Variants in SLIT3 observed in about 807,000 individuals in gnomAD.
SLIT3 encodes the protein slit guidance ligand 3, also known as slit homolog 3 protein.
A neutral mutation model predicts 184.0 loss-of-function variants in SLIT3; 68 were observed. That is an observed-to-expected ratio of 0.37 (90% CI 0.30 to 0.45). The LOEUF (loss-of-function observed/expected upper bound fraction) is 0.45. Among genes scored for constraint, SLIT3 ranks in the 20% least tolerant of loss-of-function variants. SLIT3 has a pLI of 1.00. For missense variants in SLIT3, 1,707 were observed against 2,026.0 expected (o/e 0.84, Z 3.02); for synonymous variants, 831 against 828.6 (o/e 1.00, Z -0.05).
chr5:169,200,482 A>T (rs1763875736), intron 3 of SLIT3, among the ~76,000 whole-genome samples: 1 of 152,146 alleles, frequency 6.6e-6, no homozygotes, highest in Admixed American at 6.5e-5. Flanking sequence ...AGTCACCCCC[A>T]ATGGAGAGAG....
chr5:168,957,260 C>A (rs892748845), intron 4 of SLIT3, among the ~76,000 whole-genome samples: 26 of 149,802 alleles, frequency 1.7e-4, no homozygotes, highest in Non-Finnish European at 3.5e-4. Flanking sequence ...AGGTGGGGGT[C>A]TGGCTATGTT....
chr5:168,938,770 AC>A (rs1217621760), intron 4 of SLIT3, among the ~76,000 whole-genome samples: 1 of 151,972 alleles, frequency 6.6e-6, no homozygotes, highest in African/African-American at 2.4e-5. Context: ...AGGTGGGACT[AC>A]AGGTGTGCAC....
intron 8 of SLIT3, among the ~76,000 whole-genome samples, chr5:168,812,543 A>C (rs1389921838): frequency 6.6e-6 from 1 of 152,248 alleles, no homozygotes; most frequent in Non-Finnish European, 1.5e-5. Flanking sequence ...ACAACAAAAA[A>C]ACCTCACTTG....
chr5:169,000,771 C>G (rs2113419321), intron 4 of SLIT3, among the ~76,000 whole-genome samples: 1 of 152,288 alleles, frequency 6.6e-6, no homozygotes, highest in African/African-American at 2.4e-5. Context: ...TCTGAGCATA[C>G]AGTAAGCATC....
intron 16 of SLIT3, among the ~76,000 whole-genome samples, chr5:168,755,912 G>A (rs1486734392): frequency 6.6e-6 from 1 of 152,194 alleles, no homozygotes; most frequent in Non-Finnish European, 1.5e-5. Context: ...GGGCTTGTGT[G>A]GACCATCAAA....
intron 4 of SLIT3, chr5:169,024,487 G>T (rs751864218): frequency 2.6e-5 from 4 of 152,186 alleles, no homozygotes; most frequent in Non-Finnish European, 5.9e-5. Flanking sequence ...CATTTTTCCT[G>T]CCGGAAGTTG....
intron 4 of SLIT3, among the ~76,000 whole-genome samples, chr5:168,963,600 G>T (rs1249114383): frequency 6.6e-6 from 1 of 152,208 alleles, no homozygotes; most frequent in African/African-American, 2.4e-5. Context: ...AAAGATCAGT[G>T]ACCCCTGGAT....
At chr5:169,072,534 A>C (rs1191634873) in intron 4 of SLIT3, among the ~76,000 whole-genome samples, 1 of 152,228 alleles carries the variant, frequency 6.6e-6, no homozygotes, top group Admixed American at 6.5e-5. Flanking sequence ...GATGTGACTT[A>C]TTCAAGGCTG....
intron 9 of SLIT3, among the ~76,000 whole-genome samples, chr5:168,798,635 A>G (rs1426292723): frequency 6.6e-6 from 1 of 152,136 alleles, no homozygotes; most frequent in East Asian, 1.9e-4. Context: ...GATGAGGGTC[A>G]ACCCTGCCCC....
chr5:169,258,466 C>CT (rs2113608736), intron 1 of SLIT3, among the ~76,000 whole-genome samples: 1 of 152,314 alleles, frequency 6.6e-6, no homozygotes, highest in South Asian at 2.1e-4. Flanking sequence ...GGCTGAGCCC[C>CT]TCTGCAAGCT....
chr5:168,888,062 AT>A (rs1760290001), intron 4 of SLIT3, among the ~76,000 whole-genome samples: 1 of 152,190 alleles, frequency 6.6e-6, no homozygotes, highest in Admixed American at 6.5e-5. Context: ...GGTCTGTCTT[AT>A]GTTGGGTTCT....
chr5:168,987,858 GGT>G (rs1487411806), intron 4 of SLIT3, among the ~76,000 whole-genome samples: 1 of 152,234 alleles, frequency 6.6e-6, no homozygotes, highest in Non-Finnish European at 1.5e-5. Context: ...TTCGGTGTTA[GGT>G]AGGTGGGGGG....
intron 4 of SLIT3, among the ~76,000 whole-genome samples, chr5:169,113,265 T>C (rs1433842738): frequency 6.6e-6 from 1 of 152,168 alleles, no homozygotes; most frequent in African/African-American, 2.4e-5. Context: ...TTATTCCACT[T>C]TCTGCTCCTA....
chr5:168,760,473 T>C (rs931714638), intron 16 of SLIT3, among the ~76,000 whole-genome samples: 1 of 152,160 alleles, frequency 6.6e-6, no homozygotes, highest in Non-Finnish European at 1.5e-5. Flanking sequence ...AAAACAGACA[T>C]TTAACTGTCA....
intron 3 of SLIT3, among the ~76,000 whole-genome samples, chr5:169,217,146 A>AC (rs1284591256): frequency 3.1e-4 from 42 of 134,118 alleles, no homozygotes; most frequent in East Asian, 1.5e-3. Flanking sequence ...AAAAAAAAAA[A>AC]AAAAAACTTA....
At chr5:169,110,655 G>A (rs962700002) in intron 4 of SLIT3, among the ~76,000 whole-genome samples, 8 of 152,242 alleles carry the variant, frequency 5.3e-5, no homozygotes, top group African/African-American at 1.9e-4. Context: ...TCCAAATGAG[G>A]TAACATTCAC....
At chr5:168,735,267 T>A (rs1416970827) in intron 20 of SLIT3, among the ~76,000 whole-genome samples, 1 of 152,216 alleles carries the variant, frequency 6.6e-6, no homozygotes, top group Non-Finnish European at 1.5e-5. Flanking sequence ...TCCCCATTCC[T>A]GTTTGGAGCT....
At chr5:168,829,443 C>T (rs1221018025) in intron 6 of SLIT3, among the ~76,000 whole-genome samples, 1 of 152,176 alleles carries the variant, frequency 6.6e-6, no homozygotes, top group African/African-American at 2.4e-5. Context: ...TCCTTGGGTC[C>T]AAGAGATCCT....
intron 4 of SLIT3, among the ~76,000 whole-genome samples, chr5:168,979,190 C>T (rs1351601045): frequency 2.0e-5 from 3 of 152,214 alleles, no homozygotes; most frequent in African/African-American, 2.4e-5. Context: ...TCTCATGCTT[C>T]GGGGTTGCTC....
Sources: allele counts gnomAD v4.1 joint callset (sites outside exome capture counted in the v4.1 genomes callset), GRCh38; gene constraint gnomAD v4.1.1; transcripts MANE v1.5; gene names NCBI Gene and HGNC (gene_info 2026-07-23, HGNC 2026-07-21).